RC3H2: variants seen among roughly 807,000 people sequenced by gnomAD.
RC3H2 encodes the protein roquin-2.
A neutral mutation model predicts 133.3 loss-of-function variants in RC3H2; 31 were observed. The observed-to-expected ratio is 0.23, with a 90% CI of 0.17 to 0.31. The LOEUF (loss-of-function observed/expected upper bound fraction) is 0.31. Ranked by LOEUF, RC3H2 falls within the 10% of genes least tolerant of loss-of-function variation. The pLI is 1.00. For synonymous variants in RC3H2, 517 were observed against 502.2 expected (o/e 1.03, Z -0.40); for missense variants, 1,175 against 1,437.2 (o/e 0.82, Z 2.95).
At chr9:122,878,259 C>A (rs912306288) in intron 8 of RC3H2, among the ~76,000 whole-genome samples, 1 of 151,978 alleles carries the variant, frequency 6.6e-6, no homozygotes, top group African/African-American at 2.4e-5. Flanking sequence ...ACAGCACAAC[C>A]TTTTTTATTT....
At chr9:122,903,648 TG>T (rs898241321) in intron 1 of RC3H2, among the ~76,000 whole-genome samples, 93 of 152,354 alleles carry the variant, frequency 6.1e-4, no homozygotes, top group African/African-American at 2.0e-3. Flanking sequence ...AGTGCCTGTT[TG>T]AATTATAACA....
chr9:122,858,812 T>C lies in RC3H2; in HGVS notation c.2140A>G (p.Ser714Gly). ...PMYQRDDIIR[S>G]NSLPPMDVMH... is the part of the protein sequence containing the mutation. ...ACATCCATTGGAGGTAAAGAATTGCTTCTAATAATGTCATCTCGTTGGTAC... is the reference window on the plus strand; with the variant it reads ...ACATCCATTGGAGGTAAAGAATTGCCTCTAATAATGTCATCTCGTTGGTAC... Residue 714 changes from serine to glycine, a missense_variant, in exon 12 of 21, where the codon AGC becomes GGC. Ser to Gly is a moderately conservative substitution (Grantham distance 56). Transcript: ENST00000357244. 1 of 1,614,280 alleles carries C rather than the reference T, an allele frequency of 6.2e-7. No individual in the cohort carries two copies. Among genetic ancestry groups the C allele is most frequent in the Non-Finnish European group, 8.5e-7 (1 of 1,180,052 alleles).
At position 122,858,042 on chromosome 9, in the gene RC3H2, G is replaced by C. The variant is rs894157611; in HGVS notation, c.2335C>G (p.Pro779Ala). ...TSCEEQIRRK[P>A]DQWAQYHTQK... ...GTGTGGTACTGTGCCCACTGATCTG[G>C]CTTTCTTCTTATCTGCTCCTCGCAA... Residue 779 changes from proline (P) to alanine (A), a missense_variant, in exon 13 of 21, where the codon CCA becomes GCA. Coordinates refer to ENST00000357244, the MANE Select transcript of RC3H2 (RefSeq NM_001100588.3). 6.2e-7 allele frequency: 1 copy of C among 1,614,190 alleles called. No homozygotes were observed. Among genetic ancestry groups the C allele is most frequent in the Non-Finnish European group, 8.5e-7 (1 of 1,180,026 alleles).
At chr9:122,866,573 TTTC>T (rs1229783011) in intron 9 of RC3H2, among the ~76,000 whole-genome samples, 1 of 151,952 alleles carries the variant, frequency 6.6e-6, no homozygotes, top group Non-Finnish European at 1.5e-5. Context: ...CCTGACTGGT[TTTC>T]TTATTTTTTT....
Position 122,848,727 on chromosome 9 carries a change from A to G in RC3H2, c.*900T>C, listed in dbSNP as rs2131374727. 1 of 152,284 alleles carries G rather than the reference A, an allele frequency of 6.6e-6. No individual in the cohort carries two copies. The highest frequency in any genetic ancestry group is 1.9e-4 in the East Asian group (1 of 5,192). The allele number at this position is 152,284 out of a possible 1,614,324, so 9.4% of individuals were successfully genotyped here. On this transcript the variant is annotated 3_prime_UTR_variant, in exon 21 of 21. Transcript: ENST00000357244. ...TACAGGGTTTTCTCAAGAAAGCTGA[A>G]AGCACCTGATTCTTTTGCCAAGTCA...
intron 4 of RC3H2, among the ~76,000 whole-genome samples, chr9:122,884,999 A>G (rs1245933471): frequency 6.6e-6 from 1 of 152,204 alleles, no homozygotes; most frequent in African/African-American, 2.4e-5. Flanking sequence ...ATAGAAAGTG[A>G]TCTTGAACTG....
At chr9:122,885,173 A>C (rs1254139848) in intron 4 of RC3H2, among the ~76,000 whole-genome samples, 1 of 152,232 alleles carries the variant, frequency 6.6e-6, no homozygotes, top group Non-Finnish European at 1.5e-5. Flanking sequence ...TTTTAGGAAA[A>C]CTAAATACTT....
In RC3H2 at chr9:122,845,578, G is replaced by A. The variant is rs1370290288; in HGVS notation, c.*4049C>T. 1 of 152,080 alleles carries A rather than the reference G, an allele frequency of 6.6e-6. No homozygotes were observed. Among genetic ancestry groups the A allele is most frequent in the East Asian group, 1.9e-4 (1 of 5,192 alleles). The allele number at this position is 152,080 out of a possible 1,614,324, so 9.4% of individuals were successfully genotyped here. On this transcript the variant is annotated 3_prime_UTR_variant, in exon 21 of 21. Coordinates refer to ENST00000357244, the MANE Select transcript of RC3H2 (RefSeq NM_001100588.3). Reference sequence around the variant, plus strand: ...AAAACTGCCAATTTTAGACTAGAAGGGAATAACTGCTCTTGGAGTAAAAAT... The same window carrying A: ...AAAACTGCCAATTTTAGACTAGAAGAGAATAACTGCTCTTGGAGTAAAAAT...
chr9:122,888,193 T>C (rs1482785019), intron 4 of RC3H2, among the ~76,000 whole-genome samples: 1 of 152,226 alleles, frequency 6.6e-6, no homozygotes, highest in Non-Finnish European at 1.5e-5. Flanking sequence ...AAATATAATT[T>C]AGGATTTATT....
rs769465642 is a variant in RC3H2, at chr9:122,880,289, T to A, written c.961-164A>T. 21 of 886,966 alleles carry A rather than the reference T, an allele frequency of 2.4e-5. No homozygotes were observed. The East Asian group carries it at 5.0e-4, about 21-fold the overall frequency. 54.9% of individuals were successfully genotyped at this position (886,966 alleles called of 1,614,324 possible). A position where few individuals can be genotyped will look rare whatever the true frequency, so the allele number is the denominator to read the frequency against. ...AATTTTCACCTCAGAATCTGCCCTA[T>A]GAAATTCATCATTAGACACTTAGAA... is the stretch of plus-strand genomic sequence containing the variant. On this transcript the variant is annotated intron_variant, in intron 6 of 20. Coordinates refer to ENST00000357244, the MANE Select transcript of RC3H2 (RefSeq NM_001100588.3).
chr9:122,862,978 C>T lies in RC3H2; in HGVS notation c.1634+2371G>A, dbSNP rs1830515929. On this transcript the variant is annotated intron_variant, in intron 10 of 20. Coordinates refer to ENST00000357244, the MANE Select transcript of RC3H2 (RefSeq NM_001100588.3). ...GTTCATTATTTTAGGGTGTACAATT[C>T]AGTAATTTTTAGTATATTCACAAGG... Among the ~76,000 whole-genome samples, 4 of 150,988 alleles carry T rather than the reference C, an allele frequency of 2.6e-5. No individual in the cohort carries two copies. In the South Asian group the frequency reaches 8.4e-4, roughly 32 times the overall value.
chr9:122,880,332 A>G, intron 6 of RC3H2: 1 of 797,482 alleles, frequency 1.3e-6, no homozygotes, highest in Non-Finnish European at 2.2e-6. Context: ...AAGCTGTATT[A>G]ACTCTCTGAG....
At position 122,874,866 on chromosome 9, in the gene RC3H2, T is replaced by C. The variant is rs146784252; in HGVS notation, c.1325+2605A>G. The C allele has an allele frequency of 2.8e-5, 6 of 216,848 alleles. No homozygotes were observed. In the East Asian group the frequency reaches 6.0e-4, roughly 22 times the overall value. The allele number at this position is 216,848 out of a possible 1,614,324, so 13.4% of individuals were successfully genotyped here. The stretch of plus-strand genomic sequence containing the variant: ...CTACTATTACAAGTCTGGCAAAATA[T>C]AATAAAGTTCTGAACTAGGTACTGC... On this transcript the variant is annotated intron_variant, in intron 9 of 20. Transcript: ENST00000357244.
intron 20 of RC3H2, among the ~76,000 whole-genome samples, chr9:122,850,216 C>T (rs974052590): frequency 5.9e-5 from 9 of 152,082 alleles, no homozygotes; most frequent in Admixed American, 2.0e-4. Context: ...CTCAAATGAT[C>T]CACCCGCCTC....
intron 1 of RC3H2, 139 bp downstream of exon 1, chr9:122,904,971 G>A (rs746574750): frequency 3.6e-5 from 18 of 501,086 alleles, no homozygotes; most frequent in Non-Finnish European, 4.6e-5. Context: ...TGTCAGGTGC[G>A]GCCCTCAGTT....
chr9:122,898,271 T>C (rs954278986), intron 1 of RC3H2, among the ~76,000 whole-genome samples: 5 of 152,228 alleles, frequency 3.3e-5, no homozygotes, highest in Admixed American at 6.5e-5. Context: ...TCTTGTATTG[T>C]TCAATACAAT....
chr9:122,875,650 T>C (rs568444107), intron 9 of RC3H2, among the ~76,000 whole-genome samples: 36 of 152,270 alleles, frequency 2.4e-4, no homozygotes, highest in African/African-American at 8.7e-4. Flanking sequence ...TAGTATGAAG[T>C]GTCAGGGGAA....
intron 6 of RC3H2, 82 bp from the exon 7 acceptor site, chr9:122,880,207 T>C (rs761429326): frequency 1.4e-6 from 2 of 1,439,504 alleles, no homozygotes; most frequent in African/African-American, 2.8e-5. Flanking sequence ...TATCAACATA[T>C]TTAATACGTT....
In RC3H2 at chr9:122,854,019, G is replaced by A; in HGVS notation, c.3050C>T (p.Ser1017Phe). The change falls in exon 18 of 21, where the codon TCC becomes TTC. Residue 1017 changes from serine to phenylalanine, a missense_variant. Around this residue, in one of 8 missense-constraint regions of RC3H2, gnomAD observed 138 missense variants for 215.0 expected, o/e 0.64. Coordinates refer to ENST00000357244, the MANE Select transcript of RC3H2 (RefSeq NM_001100588.3). The part of the protein sequence containing the change: ...NALAMQQKWN[S>F]LDEGRHLTLN... ...GGTAAGGTGACGGCCTTCATCCAGG[G>A]AATTCCACTTCTGTTGCATGGCCAA... 1.2e-6 allele frequency: 2 copies of A among 1,614,154 alleles called. No homozygotes were observed. The highest frequency in any genetic ancestry group is 1.1e-5 in the South Asian group (1 of 91,084).
Sources: gnomAD v4.1 joint callset for allele counts (sites outside exome capture counted in the v4.1 genomes callset) on GRCh38, gnomAD v4.1.1 for gene constraint, gnomAD v4.1.1 regional missense constraint, MANE v1.5 for transcripts, NCBI Gene and HGNC (gene_info 2026-07-23, HGNC 2026-07-21) for gene names.